The following PCDH7 variants were observed in gnomAD, a reference collection of about 807,000 sequenced individuals.
The protein encoded by PCDH7 is protocadherin-7.
In PCDH7, 17 loss-of-function variants were observed where a neutral mutation model predicts 58.9. The observed-to-expected ratio is 0.29, with a 90% CI of 0.20 to 0.43. The LOEUF (loss-of-function observed/expected upper bound fraction) is 0.43. PCDH7 is among the 20% of genes least tolerant of loss of function. PCDH7 has a pLI of 1.00. For missense variants in PCDH7, 1,274 were observed against 1,441.0 expected (o/e 0.88, Z 1.88); for synonymous variants, 664 against 616.4 (o/e 1.08, Z -1.14).
chr4:31,122,667 T>C (rs1717831583), intron 3 of PCDH7, among the ~76,000 whole-genome samples: 1 of 152,096 alleles, frequency 6.6e-6, no homozygotes, highest in Non-Finnish European at 1.5e-5. Context: ...GTAGAGATGA[T>C]AGCGTGTTGA....
intron 3 of PCDH7, among the ~76,000 whole-genome samples, chr4:31,075,477 A>G (rs1309374061): frequency 6.6e-6 from 1 of 152,202 alleles, no homozygotes; most frequent in African/African-American, 2.4e-5. Context: ...CACAAATTAA[A>G]GAAATAATGT....
In PCDH7 at chr4:30,982,083, C is replaced by T. The variant is rs181193168; in HGVS notation, c.*7+31868C>T. 1.7e-3 allele frequency among the ~76,000 whole-genome samples: 257 copies of T among 152,172 alleles called. 2 individuals carry two copies. Among genetic ancestry groups the T allele is most frequent in the African/African-American group, 5.7e-3 (237 of 41,518 alleles). ...TAAAGTGTTCTTACCACACAAAAAACGATAATTATGTGGGATAATGTATAT... is the reference window on the plus strand; with the variant it reads ...TAAAGTGTTCTTACCACACAAAAAATGATAATTATGTGGGATAATGTATAT... On this transcript the variant is annotated intron_variant, in intron 3 of 3. Coordinates refer to the PCDH7 transcript ENST00000509759.
At chr4:31,077,634 G>C (rs957791992) in intron 3 of PCDH7, among the ~76,000 whole-genome samples, 1 of 152,074 alleles carries the variant, frequency 6.6e-6, no homozygotes, top group East Asian at 1.9e-4. Context: ...AGGATGGAAA[G>C]GGAGGTATGG....
chr4:30,872,940 C>A (rs1199397419), intron 1 of PCDH7, among the ~76,000 whole-genome samples: 1 of 152,050 alleles, frequency 6.6e-6, no homozygotes, highest in Non-Finnish European at 1.5e-5. Context: ...TGTAAGCACT[C>A]AGTAAATGAT....
At position 30,723,552 on chromosome 4, in the gene PCDH7, C is replaced by A. The variant is rs774420135; in HGVS notation, c.2130C>A (p.Phe710Leu). Residue 710 changes from phenylalanine to leucine, a missense_variant, in exon 1 of 2, where the codon TTC (phenylalanine) becomes TTA (leucine). Physicochemically the swap from Phe to Leu is conservative, Grantham distance 22 (BLOSUM62 0). Transcript: ENST00000361762. This position sits in a 1 kb window ranked among gnomAD's most constrained non-coding sequence, Gnocchi z 4.6. ...GGGAACATCAGACCACATACACTTT[C>A]AGAGTCAAGGCTGTGGATGGGGGAG... 1 of 1,614,196 alleles carries A rather than the reference C, an allele frequency of 6.2e-7. No homozygotes were observed. Among genetic ancestry groups the A allele is most frequent in the South Asian group, 1.1e-5 (1 of 91,088 alleles).
chr4:30,725,363 A>ATGAT, intron 1 of PCDH7: 1 of 813,628 alleles, frequency 1.2e-6, no homozygotes, highest in South Asian at 5.6e-5. Context: ...GAAAATATTC[A>ATGAT]TGATTGATGT....
chr4:30,940,210 A>G (rs998156395), intron 2 of PCDH7, among the ~76,000 whole-genome samples: 1 of 151,964 alleles, frequency 6.6e-6, no homozygotes, highest in South Asian at 2.1e-4. Context: ...TTTAAAAAGT[A>G]TTGGTCCCCA....
intron 1 of PCDH7, among the ~76,000 whole-genome samples, chr4:30,856,369 C>A (rs926853315): frequency 6.6e-6 from 1 of 151,926 alleles, no homozygotes; most frequent in Non-Finnish European, 1.5e-5. Flanking sequence ...CTGGAACTAA[C>A]TTTTCATAAT....
At chr4:30,854,174 C>T (rs912214593) in intron 1 of PCDH7, among the ~76,000 whole-genome samples, 1 of 151,080 alleles carries the variant, frequency 6.6e-6, no homozygotes, top group African/African-American at 2.4e-5. Flanking sequence ...ATCACAGTTT[C>T]CCCCACCTCA....
intron 2 of PCDH7, among the ~76,000 whole-genome samples, chr4:30,931,197 C>T (rs948612520): frequency 2.0e-5 from 3 of 152,144 alleles, no homozygotes; most frequent in African/African-American, 7.2e-5. Flanking sequence ...AAGACAGGAC[C>T]TGTGCCTTGG....
chr4:31,067,235 G>A (rs1442711253), intron 3 of PCDH7, among the ~76,000 whole-genome samples: 2 of 151,926 alleles, frequency 1.3e-5, no homozygotes, highest in African/African-American at 4.8e-5. Flanking sequence ...ATGAATCTGT[G>A]TTTTTTACTA....
At chr4:30,819,594 C>A (rs1299616298) in intron 1 of PCDH7, among the ~76,000 whole-genome samples, 1 of 152,032 alleles carries the variant, frequency 6.6e-6, no homozygotes, top group East Asian at 1.9e-4. Flanking sequence ...TCTATCCCTG[C>A]CATTAATTTG....
intron 3 of PCDH7, among the ~76,000 whole-genome samples, chr4:31,045,336 T>C (rs1756195092): frequency 6.6e-6 from 1 of 151,974 alleles, no homozygotes; most frequent in South Asian, 2.1e-4. Flanking sequence ...TGATATCAGG[T>C]TTCAGGAAGT....
chr4:30,980,202 C>T (rs1395643710), intron 3 of PCDH7, among the ~76,000 whole-genome samples: 1 of 152,142 alleles, frequency 6.6e-6, no homozygotes, highest in Non-Finnish European at 1.5e-5. Context: ...AACAATTAGG[C>T]ATAAAAGTAT....
chr4:30,721,863 G>T lies in PCDH7; in HGVS notation c.441G>T (p.Val147=). ...ACACGCCCACCTTCCCGTCGCCCGT[G>T]CTCACGCTCACGGTGGAGGAGAATC... is the stretch of plus-strand genomic sequence containing the variant. The change falls in exon 1 of 2, where the codon GTG becomes GTT. Residue 147 remains valine, a synonymous_variant. Coordinates refer to ENST00000361762, the Ensembl canonical transcript of PCDH7. The surrounding 1 kb of genome is among the most constrained non-coding windows in gnomAD (Gnocchi z 6.7). 6.2e-7 allele frequency: 1 copy of T among 1,603,682 alleles called. No homozygotes were observed. Among genetic ancestry groups the T allele is most frequent in the East Asian group, 2.3e-5 (1 of 44,252 alleles).
At chr4:31,094,396 G>A (rs1713671446) in intron 3 of PCDH7, among the ~76,000 whole-genome samples, 1 of 151,952 alleles carries the variant, frequency 6.6e-6, no homozygotes, top group African/African-American at 2.4e-5. Context: ...TATTACATAA[G>A]GACATCTTAT....
At chr4:31,104,227 A>G (rs1020468437) in intron 3 of PCDH7, among the ~76,000 whole-genome samples, 1 of 152,194 alleles carries the variant, frequency 6.6e-6, no homozygotes, top group African/African-American at 2.4e-5. Context: ...CTACCACCAT[A>G]GCACCCAGAA....
intron 1 of PCDH7, among the ~76,000 whole-genome samples, chr4:30,873,703 A>G (rs1475675146): frequency 6.6e-6 from 1 of 151,994 alleles, no homozygotes; most frequent in Non-Finnish European, 1.5e-5. Flanking sequence ...TTACTTCTAT[A>G]TGTTGAATAT....
chr4:30,738,319 C>T (rs996854203), intron 1 of PCDH7, among the ~76,000 whole-genome samples: 2 of 151,596 alleles, frequency 1.3e-5, no homozygotes, highest in Admixed American at 1.3e-4. Context: ...TGGGAAAGTA[C>T]GCTTCCCATT....
Sources: gnomAD v4.1 joint callset for allele counts (sites outside exome capture counted in the v4.1 genomes callset) on GRCh38, gnomAD v4.1.1 for gene constraint, Gnocchi (gnomAD v3.1) non-coding constraint, MANE v1.5 for transcripts, NCBI Gene and HGNC (gene_info 2026-07-23, HGNC 2026-07-21) for gene names.